Variants in CACTIN observed in about 807,000 individuals in gnomAD.
The protein encoded by CACTIN is cactin, spliceosome C complex subunit.
Under a neutral mutation model 84.9 loss-of-function variants are expected in CACTIN, and 20 were observed. The observed-to-expected ratio is 0.24, with a 90% CI of 0.17 to 0.34. The LOEUF is 0.34. CACTIN is among the 10% of genes least tolerant of loss of function. The pLI, the probability that CACTIN is intolerant of heterozygous loss-of-function variation, is 1.00. For missense variants in CACTIN, 897 were observed against 1,117.2 expected (o/e 0.80, Z 2.81); for synonymous variants, 549 against 467.9 (o/e 1.17, Z -2.24).
chr19:3,614,378 A>T lies in CACTIN; in HGVS notation c.1355+19T>A, dbSNP rs1338717662. 2 of 1,557,468 alleles carry T rather than the reference A, an allele frequency of 1.3e-6. No homozygotes were observed. Among genetic ancestry groups the T allele is most frequent in the Non-Finnish European group, 1.7e-6 (2 of 1,150,864 alleles). ...CCACCCGGACGGCACCAACCCTGGT[A>T]CCCGCACCTAGTGCTCACCGGGCCC... is the stretch of plus-strand genomic sequence containing the variant. On this transcript the variant is annotated intron_variant, in intron 7 of 9. Coordinates refer to ENST00000429344, the MANE Select transcript of CACTIN (RefSeq NM_001080543.2).
chr19:3,611,895 G>A lies in CACTIN; in HGVS notation c.*28C>T, dbSNP rs1484972731. 2.5e-6 allele frequency: 4 copies of A among 1,609,228 alleles called. No homozygotes were observed. Among genetic ancestry groups the A allele is most frequent in the Non-Finnish European group, 3.4e-6 (4 of 1,179,028 alleles). ...GAAGCCCCTTTACTGTGCCCCCGAG[G>A]ACACCTGCCTGCCGTTCCCCAGGGC... On this transcript the variant is annotated 3_prime_UTR_variant, in exon 10 of 10. Coordinates refer to ENST00000429344, the MANE Select transcript of CACTIN (RefSeq NM_001080543.2).
chr19:3,611,465 C>T lies in CACTIN; in HGVS notation c.*458G>A, dbSNP rs2032948800. Reference sequence around the variant, plus strand: ...GTGCCCCGTGATGTGGCAGGGCTGGCCTTGAGTTTCCTGCTTCTCACGAGC... The same window carrying T: ...GTGCCCCGTGATGTGGCAGGGCTGGTCTTGAGTTTCCTGCTTCTCACGAGC... On this transcript the variant is annotated 3_prime_UTR_variant, in exon 10 of 10. Transcript: ENST00000429344. 1 of 390,244 alleles carries T rather than the reference C, an allele frequency of 2.6e-6. No individual in the cohort carries two copies. The highest frequency in any genetic ancestry group is 1.8e-5 in the South Asian group (1 of 54,474). 24.2% of individuals were successfully genotyped at this position (390,244 alleles called of 1,614,324 possible). A position where few individuals can be genotyped will look rare whatever the true frequency, so the allele number is the denominator to read the frequency against.
At chr19:3,623,539 G>A (rs2033268851) in intron 2 of CACTIN, 149 bp downstream of exon 2, 2 of 686,436 alleles carry the variant, frequency 2.9e-6, no homozygotes, top group Non-Finnish European at 4.8e-6. Flanking sequence ...AAAAAAGAAA[G>A]CTGATAGCGG....
rs1196513961 is a variant in CACTIN, at chr19:3,613,385, G to A, written c.1479-20C>T. ...TCCAGGCTGGGAGGAGAGAGCGTTG[G>A]AGGCGCGGAGGCTGCCCACGGCCCC... is the stretch of plus-strand genomic sequence containing the variant. On this transcript the variant is annotated intron_variant, in intron 8 of 9. Coordinates refer to ENST00000429344, the MANE Select transcript of CACTIN (RefSeq NM_001080543.2). 3 of 1,529,144 alleles carry A rather than the reference G, an allele frequency of 2.0e-6. No homozygotes were observed. In the South Asian group the frequency reaches 3.6e-5, roughly 18 times the overall value. The allele number at this position is 1,529,144 out of a possible 1,614,324, so 94.7% of individuals were successfully genotyped here. A position where few individuals can be genotyped will look rare whatever the true frequency, so the allele number is the denominator to read the frequency against.
At chr19:3,619,318 C>T (rs1272114625) in intron 4 of CACTIN, 76 bp from the exon 5 acceptor site, 14 of 1,526,770 alleles carry the variant, frequency 9.2e-6, no homozygotes, top group South Asian at 6.3e-5. Context: ...CTTGGGGTGA[C>T]CACACCAGTG....
intron 6 of CACTIN, among the ~76,000 whole-genome samples, chr19:3,618,432 G>A (rs1039168853): frequency 6.6e-6 from 1 of 152,122 alleles, no homozygotes; most frequent in African/African-American, 2.4e-5. Context: ...GGAGGGGGGG[G>A]AAACGTGATT....
intron 6 of CACTIN, 167 bp from the exon 7 acceptor site, chr19:3,614,756 T>A (rs1430231219): frequency 3.1e-6 from 2 of 635,830 alleles, no homozygotes; most frequent in African/African-American, 3.6e-5. Context: ...GTCCCCACCC[T>A]GGCCACAGCG....
intron 6 of CACTIN, among the ~76,000 whole-genome samples, chr19:3,618,045 G>A (rs573925473): frequency 2.1e-4 from 32 of 152,350 alleles, no homozygotes; most frequent in Admixed American, 3.9e-4. Flanking sequence ...AGGCCTGAGA[G>A]GGAGGGCAGG....
At chr19:3,620,093 T>A in intron 4 of CACTIN, 34 bp downstream of exon 4, 1 of 1,604,774 alleles carries the variant, frequency 6.2e-7, no homozygotes, top group Non-Finnish European at 8.5e-7. Context: ...TGGCTCCAAG[T>A]CTGGGTCGGA....
intron 1 of CACTIN, among the ~76,000 whole-genome samples, chr19:3,625,756 C>A (rs10406036): frequency 0.052 from 7,956 of 152,252 alleles, 546 homozygotes; most frequent in African/African-American, 0.16. Flanking sequence ...AACCAACAAC[C>A]GATGAGTGAA....
chr19:3,624,189 T>G, intron 1 of CACTIN, 27 bp from the exon 2 acceptor site: 1 of 1,516,080 alleles, frequency 6.6e-7, no homozygotes. Flanking sequence ...GGATGCCTGC[T>G]CAGTGCCTGC....
intron 9 of CACTIN, 31 bp from the exon 10 acceptor site, chr19:3,612,444 C>T (rs776601207): frequency 6.5e-6 from 10 of 1,546,384 alleles, no homozygotes; most frequent in African/African-American, 2.7e-5. Flanking sequence ...ACCCGGGCCT[C>T]GGCCTCCCCC....
At chr19:3,619,968 C>A (rs1488051294) in intron 4 of CACTIN, among the ~76,000 whole-genome samples, 159 bp downstream of exon 4, 1 of 152,158 alleles carries the variant, frequency 6.6e-6, no homozygotes, top group Non-Finnish European at 1.5e-5. Flanking sequence ...GGGCAGGAGA[C>A]AGAAGCCTTG....
chr19:3,622,901 T>A (rs755723401), intron 2 of CACTIN, among the ~76,000 whole-genome samples: 2 of 152,148 alleles, frequency 1.3e-5, no homozygotes, highest in Non-Finnish European at 2.9e-5. Flanking sequence ...GGGCAAAGAA[T>A]GGCTGAAGCT....
chr19:3,613,370 G>A lies in CACTIN; in HGVS notation c.1479-5C>T. 1.3e-6 allele frequency: 2 copies of A among 1,523,966 alleles called. No homozygotes were observed. The highest frequency in any genetic ancestry group is 1.8e-6 in the Non-Finnish European group (2 of 1,139,892). The allele number at this position is 1,523,966 out of a possible 1,614,324, so 94.4% of individuals were successfully genotyped here. On this transcript the variant is annotated splice_region_variant and splice_polypyrimidine_tract_variant and intron_variant, in intron 8 of 9. Transcript: ENST00000429344. ...GCCGCGTCCTCAGGCTCCAGGCTGG[G>A]AGGAGAGAGCGTTGGAGGCGCGGAG...
chr19:3,612,079 G>C lies in CACTIN; in HGVS notation c.2121C>G (p.Ile707Met). The C allele has an allele frequency of 6.2e-7, 1 of 1,613,896 alleles. No individual in the cohort carries two copies. The highest frequency in any genetic ancestry group is 1.3e-5 in the African/African-American group (1 of 75,084). ...EACADNKDFAILRFHAGPPYE... is the reference protein window; with the variant it reads ...EACADNKDFAMLRFHAGPPYE... ...AGGGCGGCCCCGCGTGGAAGCGCAG[G>C]ATGGCGAAATCCTTGTTGTCGGCGC... The change falls in exon 10 of 10, where the codon ATC (isoleucine) becomes ATG (methionine). Residue 707 changes from isoleucine to methionine, a missense_variant. Around this residue, in one of 8 missense-constraint regions of CACTIN, gnomAD observed 50 missense variants for 51.6 expected, o/e 0.97. Coordinates refer to ENST00000429344, the MANE Select transcript of CACTIN (RefSeq NM_001080543.2).
chr19:3,626,695 C>T lies in CACTIN; in HGVS notation c.68G>A (p.Ser23Asn), dbSNP rs1208976357. 1.3e-6 allele frequency: 2 copies of T among 1,514,806 alleles called. No individual in the cohort carries two copies. The highest frequency in any genetic ancestry group is 2.9e-5 in the African/African-American group (2 of 69,600). The allele number at this position is 1,514,806 out of a possible 1,614,324, so 93.8% of individuals were successfully genotyped here. ...GCTCCTGCTCCGACTTCGGCTCCCG[C>T]TCTGACTCTGCCGCCTTCGGCCCCG... Reference protein sequence around the residue: ...GRRGRRRQSQSGSRSRSRSHG... With the variant: ...GRRGRRRQSQNGSRSRSRSHG... Residue 23 changes from serine (S) to asparagine (N), a missense_variant, in exon 1 of 10, where the codon AGC becomes AAC. Transcript: ENST00000429344.
In CACTIN at chr19:3,618,878, G is replaced by A. The variant is rs373257697; in HGVS notation, c.1159C>T (p.Pro387Ser). ...CCAGGCCCATGCCCGCCGTTACCTG[G>A]CCCCTTGCCCGAGGCCTCCAGCTTG... The part of the protein sequence containing the change: ...LRKLEASGKG[P>S]GERREGVNAS... Residue 387 changes from proline to serine, a missense_variant, in exon 6 of 10, where the codon CCA becomes TCA. Physicochemically the swap from Pro to Ser is moderately conservative, Grantham distance 74. Around this residue, in one of 8 missense-constraint regions of CACTIN, gnomAD observed 304 missense variants for 444.3 expected, o/e 0.68. Transcript: ENST00000429344. 9.7e-6 allele frequency: 15 copies of A among 1,550,664 alleles called. No homozygotes were observed. The highest frequency in any genetic ancestry group is 1.3e-5 in the Non-Finnish European group (15 of 1,146,652).
In CACTIN at chr19:3,613,299, G is replaced by A. The variant is rs1396185368; in HGVS notation, c.1545C>T (p.Ala515=). 8 of 1,595,092 alleles carry A rather than the reference G, an allele frequency of 5.0e-6. No individual in the cohort carries two copies. In the Middle Eastern group the frequency reaches 8.4e-4, roughly 167 times the overall value. Residue 515 remains alanine (A), a synonymous_variant, in exon 9 of 10, where the codon GCC becomes GCT. Coordinates refer to ENST00000429344, the MANE Select transcript of CACTIN (RefSeq NM_001080543.2). The stretch of plus-strand genomic sequence containing the variant: ...CTGTCGGGGTCGCGCCGTCCACCTC[G>A]GCCTCCGCGGGGCCGCCCTCCGAGG... The part of the protein sequence containing the change: ...GPSSEGGPAE[A]EVDGATPTEG...
Sources: gnomAD v4.1 joint callset for allele counts (sites outside exome capture counted in the v4.1 genomes callset) on GRCh38, gnomAD v4.1.1 for gene constraint, gnomAD v4.1.1 regional missense constraint, MANE v1.5 for transcripts, NCBI Gene and HGNC (gene_info 2026-07-23, HGNC 2026-07-21) for gene names.